OS9: variants seen among roughly 807,000 people sequenced by gnomAD.
OS9 encodes OS9 endoplasmic reticulum lectin, also known as protein OS-9.
OS9 carries 58 observed loss-of-function variants against 84.7 expected under a neutral mutation model. The ratio of observed to expected loss-of-function variants is 0.68; its 90% CI spans 0.55 to 0.85. The LOEUF is 0.85. Ranked by LOEUF, OS9 falls within the 40% of genes least tolerant of loss-of-function variation. The probability of loss-of-function intolerance (pLI) is 0.00; values close to 1 mark genes in which losing one functional copy is unlikely to be tolerated. For missense variants in OS9, 760 were observed against 850.9 expected (o/e 0.89, Z 1.33); for synonymous variants, 278 against 320.8 (o/e 0.87, Z 1.43).
At chr12:57,694,455 T>C in intron 1 of OS9, 132 bp downstream of exon 1, 1 of 1,012,272 alleles carries the variant, frequency 9.9e-7, no homozygotes, top group Non-Finnish European at 1.5e-6. Flanking sequence ...GCTTTTACGG[T>C]GACCCCTGGG....
intron 11 of OS9, 134 bp from the exon 12 acceptor site, chr12:57,718,859 G>A (rs969756362): frequency 4.6e-5 from 31 of 679,210 alleles, no homozygotes; most frequent in East Asian, 5.2e-5. Context: ...GAGCCGAGAC[G>A]GCACCACTGT....
chr12:57,716,291 G>T lies in OS9; in HGVS notation c.892+98G>T, dbSNP rs1954493821. 4.5e-6 allele frequency: 4 copies of T among 897,976 alleles called. No homozygotes were observed. The East Asian group carries it at 1.1e-4, about 24-fold the overall frequency. The allele number at this position is 897,976 out of a possible 1,614,324, so 55.6% of individuals were successfully genotyped here. ...CTGACTGGTGGGGTGGGGGGGGGTG[G>T]AAAAGTACCATGGGCCCTCCTCCCT... is the stretch of plus-strand genomic sequence containing the variant. On this transcript the variant is annotated intron_variant, in intron 7 of 14. Coordinates refer to ENST00000315970, the MANE Select transcript of OS9 (RefSeq NM_006812.4).
chr12:57,703,549 A>G (rs1245448006), intron 5 of OS9, among the ~76,000 whole-genome samples: 2 of 152,236 alleles, frequency 1.3e-5, no homozygotes, highest in Non-Finnish European at 2.9e-5. Flanking sequence ...CTTACCAAAA[A>G]TCAGTTGACC....
chr12:57,697,905 G>GCAAA, intron 5 of OS9, among the ~76,000 whole-genome samples: 2 of 27,110 alleles, frequency 7.4e-5, no homozygotes, highest in African/African-American at 2.3e-4. Flanking sequence ...CCTAACATAA[G>GCAAA]CAAACACACA....
intron 5 of OS9, among the ~76,000 whole-genome samples, chr12:57,709,927 A>T (rs780167966): frequency 6.6e-6 from 1 of 151,448 alleles, no homozygotes; most frequent in Non-Finnish European, 1.5e-5. Flanking sequence ...ATCTCGGCTC[A>T]CTGCAACCTC....
chr12:57,719,285 T>G (rs1954607332), intron 12 of OS9, 103 bp downstream of exon 12: 1 of 936,936 alleles, frequency 1.1e-6, no homozygotes, highest in Non-Finnish European at 1.6e-6. Context: ...CTGAGGGTGC[T>G]CATTCTCTCC....
intron 10 of OS9, 86 bp from the exon 11 acceptor site, chr12:57,718,058 CCA>C (rs1954558473): frequency 2.6e-6 from 4 of 1,524,154 alleles, no homozygotes; most frequent in Non-Finnish European, 3.6e-6. Context: ...TCCCCCAGTA[CCA>C]CACACCTGCT....
intron 5 of OS9, among the ~76,000 whole-genome samples, chr12:57,707,527 C>T (rs113180506): frequency 0.021 from 3,171 of 152,146 alleles, 104 homozygotes; most frequent in African/African-American, 0.07. Flanking sequence ...GAGAAAGCAC[C>T]AAGGGGATGG....
chr12:57,720,207 A>C lies in OS9; in HGVS notation c.1709A>C (p.Lys570Thr), dbSNP rs1468049856. Residue 570 changes from lysine (K) to threonine (T), a missense_variant, in exon 13 of 15, where the codon AAA becomes ACA. Coordinates refer to ENST00000315970, the MANE Select transcript of OS9 (RefSeq NM_006812.4). Reference sequence around the variant, plus strand: ...ATGAAACGGGAAAACCCACAGCTGAAACAAATCGAGGGGCTGGTGAAGGAG... The same window carrying C: ...ATGAAACGGGAAAACCCACAGCTGACACAAATCGAGGGGCTGGTGAAGGAG... ...LEMKRENPQL[K>T]QIEGLVKELL... 6.2e-7 allele frequency: 1 copy of C among 1,614,182 alleles called. No individual in the cohort carries two copies. The highest frequency in any genetic ancestry group is 2.2e-5 in the East Asian group (1 of 44,872).
chr12:57,716,653 C>T (rs1443965376), intron 8 of OS9, 40 bp from the exon 9 acceptor site: 1 of 1,600,702 alleles, frequency 6.2e-7, no homozygotes, highest in Non-Finnish European at 8.6e-7. Context: ...AGGGCATGAA[C>T]AGGCTTTCAT....
chr12:57,718,501 CAG>C, intron 11 of OS9, 80 bp downstream of exon 11: 2 of 1,466,378 alleles, frequency 1.4e-6, no homozygotes, highest in South Asian at 2.6e-5. Context: ...CTAAAAGAAA[CAG>C]AGGGCACAGC....
chr12:57,700,798 G>C (rs1211482199), intron 5 of OS9, among the ~76,000 whole-genome samples: 2 of 151,972 alleles, frequency 1.3e-5, no homozygotes, highest in Non-Finnish European at 2.9e-5. Flanking sequence ...ACAGGGCTGG[G>C]ATGCAGAACC....
intron 12 of OS9, 78 bp downstream of exon 12, chr12:57,719,260 C>A: frequency 8.1e-7 from 1 of 1,241,650 alleles, no homozygotes; most frequent in Non-Finnish European, 1.1e-6. Flanking sequence ...CAGAGGGGAC[C>A]CTGTTCCTTC....
chr12:57,718,283 T>A lies in OS9; in HGVS notation c.1272T>A (p.Asp424Glu), dbSNP rs775921074. The A allele has an allele frequency of 1.9e-6, 3 of 1,612,368 alleles. No homozygotes were observed. The highest frequency in any genetic ancestry group is 1.7e-5 in the Admixed American group (1 of 59,970). The stretch of plus-strand genomic sequence containing the variant: ...AGGAGGATGAGGATGAGGATGAGGA[T>A]GAAGATGAGGATGAACGGCAGTTAC... ...EEEEDEDEDE[D>E]EDEDERQLLG... Residue 424 changes from aspartate to glutamate, a missense_variant, in exon 11 of 15, where the codon GAT becomes GAA. Asp to Glu is a conservative substitution (Grantham distance 45). Coordinates refer to ENST00000315970, the MANE Select transcript of OS9 (RefSeq NM_006812.4).
At chr12:57,702,942 T>C in intron 5 of OS9, among the ~76,000 whole-genome samples, 1 of 152,222 alleles carries the variant, frequency 6.6e-6, no homozygotes, top group East Asian at 1.9e-4. Context: ...TTGGTTTTTG[T>C]TGGTGAGTTG....
At position 57,720,128 on chromosome 12, in the gene OS9, C is replaced by T. The variant is rs1954630745; in HGVS notation, c.1630C>T (p.Arg544Trp). ...EEDPEHRVRVRVTKLRLGGPN... is the reference protein window; with the variant it reads ...EEDPEHRVRVWVTKLRLGGPN... Reference sequence around the variant, plus strand: ...GGATCCTGAGCACAGAGTCCGGGTCCGGGTCACCAAGCTCCGTCTCGGAGG... The same window carrying T: ...GGATCCTGAGCACAGAGTCCGGGTCTGGGTCACCAAGCTCCGTCTCGGAGG... Residue 544 changes from arginine to tryptophan, a missense_variant, in exon 13 of 15, where the codon CGG becomes TGG. Transcript: ENST00000315970. The T allele has an allele frequency of 1.7e-5, 27 of 1,613,928 alleles. No individual in the cohort carries two copies. The Middle Eastern group carries it at 5.0e-4, about 30-fold the overall frequency.
rs200907368 is a variant in OS9, at chr12:57,716,694, A to G, written c.995A>G (p.Glu332Gly). The change falls in exon 9 of 15, where the codon GAG (glutamate) becomes GGG (glycine). Residue 332 changes from glutamate (E) to glycine (G), a missense_variant and splice_region_variant. Glu to Gly is a moderately conservative substitution (Grantham distance 98). Transcript: ENST00000315970. ...APGGEEVPAE[E>G]QDPSPEAADS... ...ACTCTCTCCTTTTCTCCTCGTCAGG[A>G]GCAGGACCCAAGCCCTGAGGCAGCA... The G allele has an allele frequency of 5.8e-5, 93 of 1,613,868 alleles. No individual in the cohort carries two copies. The highest frequency in any genetic ancestry group is 7.3e-5 in the Non-Finnish European group (86 of 1,179,778).
chr12:57,698,286 C>T (rs190327820), intron 5 of OS9, among the ~76,000 whole-genome samples: 24 of 143,890 alleles, frequency 1.7e-4, no homozygotes, highest in East Asian at 5.9e-4. Flanking sequence ...CATCCACACA[C>T]GTATATAATC....
At chr12:57,696,602 C>A (rs1192457678) in intron 5 of OS9, among the ~76,000 whole-genome samples, 1 of 152,042 alleles carries the variant, frequency 6.6e-6, no homozygotes, top group African/African-American at 2.4e-5. Flanking sequence ...TCAAGACCAG[C>A]CTGACCAATA....
Sources: allele counts gnomAD v4.1 joint callset (sites outside exome capture counted in the v4.1 genomes callset), GRCh38; gene constraint gnomAD v4.1.1; transcripts MANE v1.5; gene names NCBI Gene and HGNC (gene_info 2026-07-23, HGNC 2026-07-21).